ZNF207: variants seen among roughly 807,000 people sequenced by gnomAD.
The protein encoded by ZNF207 is BUB3-interacting and GLEBS motif-containing protein ZNF207.
ZNF207 carries 24 observed loss-of-function variants against 60.2 expected under a neutral mutation model. That is an observed-to-expected ratio of 0.40 (90% CI 0.29 to 0.56). The LOEUF (loss-of-function observed/expected upper bound fraction) is 0.56, where lower values mean the gene tolerates loss of function less well. Among genes scored for constraint, ZNF207 ranks in the 20% least tolerant of loss-of-function variants. ZNF207 has a pLI of 0.49. For synonymous variants in ZNF207, 236 were observed against 194.7 expected, an observed-to-expected ratio of 1.21 and a Z score of -1.77; for missense variants, 452 against 636.6, an observed-to-expected ratio of 0.71 and a Z score of 3.12.
In ZNF207 at chr17:32,378,093, G is replaced by A. The variant is rs1348701024; in HGVS notation, c.*8334G>A. 1.3e-5 allele frequency: 2 copies of A among 152,038 alleles called. No homozygotes were observed. The highest frequency in any genetic ancestry group is 4.9e-5 in the African/African-American group (2 of 41,054). The allele number at this position is 152,038 out of a possible 1,614,324, so 9.4% of individuals were successfully genotyped here. On this transcript the variant is annotated 3_prime_UTR_variant, in exon 12 of 12. Coordinates refer to ENST00000394670, the MANE Select transcript of ZNF207 (RefSeq NM_001098507.2). ...TTAAATGTTAGTATAACTAATAATA[G>A]ATCCATTGGACACTTTAAACACTCA...
chr17:32,353,804 C>CT (rs1232056937), intron 2 of ZNF207, among the ~76,000 whole-genome samples: 1 of 119,272 alleles, frequency 8.4e-6, no homozygotes, highest in Non-Finnish European at 1.6e-5. Flanking sequence ...GACAGAGACT[C>CT]TGTCTCCAAA....
At chr17:32,364,917 G>A (rs1449798219) in intron 7 of ZNF207, among the ~76,000 whole-genome samples, 1 of 152,342 alleles carries the variant, frequency 6.6e-6, no homozygotes, top group East Asian at 1.9e-4. Context: ...TAGTAGTGAT[G>A]TGTTTAACTT....
Position 32,372,715 on chromosome 17 carries a change from A to G in ZNF207, c.*2956A>G, listed in dbSNP as rs546912763. On this transcript the variant is annotated 3_prime_UTR_variant, in exon 12 of 12. Coordinates refer to ENST00000394670, the MANE Select transcript of ZNF207 (RefSeq NM_001098507.2). Reference sequence around the variant, plus strand: ...AGCTTCTAGAAAATACCTTTTTTCTAAATGCTTCTGGGGTCCATAGTGTGG... The same window carrying G: ...AGCTTCTAGAAAATACCTTTTTTCTGAATGCTTCTGGGGTCCATAGTGTGG... The G allele has an allele frequency of 1.3e-5, 2 of 152,250 alleles. No homozygotes were observed. The highest frequency in any genetic ancestry group is 4.8e-5 in the African/African-American group (2 of 41,562). The allele number at this position is 152,250 out of a possible 1,614,324, so 9.4% of individuals were successfully genotyped here.
rs769074460 is a variant in ZNF207 at position 32,365,427 on chromosome 17, A to G, written c.768A>G (p.Thr256=). ...PGILNRPPAP[T]ATVPAPQPPV... ...TTCTTAATAGACCACCTGCACCAAC[A>G]GCAACTGTACCTGCCCCACAGCCTC... Residue 256 remains threonine (T), a synonymous_variant, in exon 8 of 12, where the codon ACA becomes ACG. Transcript: ENST00000394670. The G allele has an allele frequency of 1.2e-6, 2 of 1,614,132 alleles. No homozygotes were observed. The highest frequency in any genetic ancestry group is 2.2e-5 in the East Asian group (1 of 44,884).
rs539708668 is a variant in ZNF207 at position 32,361,805 on chromosome 17, A to G, written c.599+290A>G. 2.0e-3 allele frequency among the ~76,000 whole-genome samples: 304 copies of G among 152,358 alleles called. 2 individuals carry two copies. Among genetic ancestry groups the G allele is most frequent in the African/African-American group, 6.9e-3 (286 of 41,588 alleles). On this transcript the variant is annotated intron_variant, in intron 6 of 11. Transcript: ENST00000394670. ...TAGTATTTAAGAAAGACTATATTCT[A>G]TGAAATTACATGCTTTATTATTATA...
chr17:32,353,708 C>T (rs1180749850), intron 2 of ZNF207, among the ~76,000 whole-genome samples: 2 of 141,512 alleles, frequency 1.4e-5, no homozygotes, highest in African/African-American at 5.4e-5. Flanking sequence ...GGGCGCGAGG[C>T]GGGTGCTGAG....
chr17:32,362,131 A>AGTGTGT (rs57093226), intron 6 of ZNF207, among the ~76,000 whole-genome samples: 97 of 146,022 alleles, frequency 6.6e-4, no homozygotes, highest in African/African-American at 2.3e-3. Flanking sequence ...AAAAAAAAAA[A>AGTGTGT]GTGTGTGTGT....
chr17:32,367,239 T>TATA lies in ZNF207; in HGVS notation c.921+482_921+483insATA, dbSNP rs1905206663. ...CCAGCCATTGTTAATTTGGAGGGGATTATATATATATATATATATATATAT... is the reference window on the plus strand; with the variant it reads ...CCAGCCATTGTTAATTTGGAGGGGATATATATATATATATATATATATATATAT... On this transcript the variant is annotated intron_variant, in intron 9 of 11. Coordinates refer to ENST00000394670, the MANE Select transcript of ZNF207 (RefSeq NM_001098507.2). Among the ~76,000 whole-genome samples the TATA allele has an allele frequency of 2.2e-4, 7 of 32,190 alleles. 1 individual carries two copies. Among genetic ancestry groups the TATA allele is most frequent in the Admixed American group, 1.0e-3 (2 of 1,916 alleles). 21.1% of individuals were successfully genotyped at this position (32,190 alleles called of 152,430 possible). A position where few individuals can be genotyped will look rare whatever the true frequency, so the allele number is the denominator to read the frequency against.
Position 32,378,868 on chromosome 17 carries a change from C to A in ZNF207, c.*9109C>A, listed in dbSNP as rs1905775855. 1 of 152,030 alleles carries A rather than the reference C, an allele frequency of 6.6e-6. No individual in the cohort carries two copies. Among genetic ancestry groups the A allele is most frequent in the Non-Finnish European group, 1.5e-5 (1 of 67,908 alleles). The allele number at this position is 152,030 out of a possible 1,614,324, so 9.4% of individuals were successfully genotyped here. On this transcript the variant is annotated 3_prime_UTR_variant, in exon 12 of 12. Coordinates refer to ENST00000394670, the MANE Select transcript of ZNF207 (RefSeq NM_001098507.2). ...TTTCGCAAGCCTGAACCATCCTAATCTGATAGTAGGATGTATGGCTTCTTC... is the reference window on the plus strand; with the variant it reads ...TTTCGCAAGCCTGAACCATCCTAATATGATAGTAGGATGTATGGCTTCTTC...
At chr17:32,365,297 G>A (rs372258379) in intron 7 of ZNF207, 33 bp from the exon 8 acceptor site, 3 of 1,584,612 alleles carry the variant, frequency 1.9e-6, no homozygotes, top group Non-Finnish European at 2.6e-6. Flanking sequence ...ATTTTTCAGT[G>A]ACTCAATTTC....
chr17:32,357,333 ATTATTATTATTATTATTAT>A lies in ZNF207; in HGVS notation c.169-1167_169-1149del, dbSNP rs1416861634. 4.8e-4 allele frequency among the ~76,000 whole-genome samples: 43 copies of A among 89,124 alleles called. 2 individuals are homozygous for A. Among genetic ancestry groups the A allele is most frequent in the African/African-American group, 1.7e-3 (36 of 21,564 alleles). 58.5% of individuals were successfully genotyped at this position (89,124 alleles called of 152,430 possible). The stretch of plus-strand genomic sequence containing the variant: ...TCTAATTATTATTATTATTATTATT[ATTATTATTATTATTATTAT>A]TTTTTTTTTTTTTTGAGACAGAATC... On this transcript the variant is annotated intron_variant, in intron 2 of 11. Transcript: ENST00000394670.
chr17:32,365,193 G>A (rs2150799386), intron 7 of ZNF207, 137 bp from the exon 8 acceptor site: 1 of 913,986 alleles, frequency 1.1e-6, no homozygotes. Context: ...AATGTTGCAT[G>A]GGGCAAATGC....
chr17:32,365,295 G>A, intron 7 of ZNF207, 35 bp from the exon 8 acceptor site: 1 of 1,585,036 alleles, frequency 6.3e-7, no homozygotes, highest in Non-Finnish European at 8.6e-7. Context: ...AAATTTTTCA[G>A]TGACTCAATT....
intron 7 of ZNF207, 78 bp downstream of exon 7, chr17:32,363,062 G>A (rs1255538210): frequency 3.7e-6 from 5 of 1,336,410 alleles, no homozygotes; most frequent in Admixed American, 2.5e-5. Flanking sequence ...GTGGGCATTA[G>A]TATAATGAAA....
rs1484401263 is a variant in ZNF207, at chr17:32,371,123, A to T, written c.*1364A>T. 1 of 152,030 alleles carries T rather than the reference A, an allele frequency of 6.6e-6. No individual in the cohort carries two copies. Among genetic ancestry groups the T allele is most frequent in the African/African-American group, 2.4e-5 (1 of 41,384 alleles). The allele number at this position is 152,030 out of a possible 1,614,324, so 9.4% of individuals were successfully genotyped here. A position where few individuals can be genotyped will look rare whatever the true frequency, so the allele number is the denominator to read the frequency against. On this transcript the variant is annotated 3_prime_UTR_variant, in exon 12 of 12. Transcript: ENST00000394670. ...AATAGCTCTTGTTGACCTTTTTGGG[A>T]TCTGTTTTTCTGATCTTTTGCAGGG...
intron 1 of ZNF207, chr17:32,351,320 AT>A: frequency 2.2e-6 from 1 of 453,822 alleles, no homozygotes; most frequent in Non-Finnish European, 3.1e-6. Context: ...AAATTATGTG[AT>A]TATTGTTCAC....
In ZNF207 at chr17:32,372,779, ACT is replaced by A. The variant is rs1209060773; in HGVS notation, c.*3023_*3024del. On this transcript the variant is annotated 3_prime_UTR_variant, in exon 12 of 12. Coordinates refer to ENST00000394670, the MANE Select transcript of ZNF207 (RefSeq NM_001098507.2). ...GGAGCAAATTATATTCATATAATTAACTCTGACTCAACCTTCCTTAAGTAGTA... is the reference window on the plus strand; with the variant it reads ...GGAGCAAATTATATTCATATAATTAACTGACTCAACCTTCCTTAAGTAGTA... The A allele has an allele frequency of 6.6e-6, 1 of 152,180 alleles. No homozygotes were observed. Among genetic ancestry groups the A allele is most frequent in the East Asian group, 1.9e-4 (1 of 5,200 alleles). 9.4% of individuals were successfully genotyped at this position (152,180 alleles called of 1,614,324 possible). A position where few individuals can be genotyped will look rare whatever the true frequency, so the allele number is the denominator to read the frequency against.
chr17:32,361,173 A>G (rs1904861073), intron 5 of ZNF207: 3 of 617,928 alleles, frequency 4.9e-6, no homozygotes, highest in Non-Finnish European at 8.3e-6. Flanking sequence ...GTTTTAGGGT[A>G]TATGTAAGCA....
In ZNF207 at chr17:32,367,906, A is replaced by G; in HGVS notation, c.1056A>G (p.Thr352=). 1 of 1,614,190 alleles carries G rather than the reference A, an allele frequency of 6.2e-7. No individual in the cohort carries two copies. Residue 352 remains threonine, a synonymous_variant, in exon 10 of 12, where the codon ACA becomes ACG. Transcript: ENST00000394670. ...CTACAGCTTCAACAACTAGTACAAC[A>G]AATAGTACTGCAGCTAAACCAGCGG... ...TQSTASTTST[T]NSTAAKPAAS...
Sources: gnomAD v4.1 joint callset for allele counts (sites outside exome capture counted in the v4.1 genomes callset) on GRCh38, gnomAD v4.1.1 for gene constraint, MANE v1.5 for transcripts, NCBI Gene and HGNC (gene_info 2026-07-23, HGNC 2026-07-21) for gene names.